Variants in TFB1M observed in about 807,000 individuals in gnomAD.
TFB1M encodes the protein dimethyladenosine transferase 1, mitochondrial.
Under a neutral mutation model 31.1 loss-of-function variants are expected in TFB1M, and 27 were observed. The observed-to-expected ratio is 0.87, with a 90% CI of 0.64 to 1.20. TFB1M has a LOEUF of 1.20. Among genes scored for constraint, TFB1M ranks in the 50% most tolerant of loss-of-function variants. The pLI, the probability that TFB1M is intolerant of heterozygous loss-of-function variation, is 0.00. For missense variants in TFB1M, 394 were observed against 418.7 expected (o/e 0.94, Z 0.51); for synonymous variants, 166 against 151.8 (o/e 1.09, Z -0.69).
downstream of TFB1M, chr6:155,254,242 T>A (rs1452052193): frequency 2.9e-6 from 3 of 1,024,922 alleles, no homozygotes; most frequent in African/African-American, 4.9e-5. Flanking sequence ...TATCAAAATC[T>A]TAAGAGTGAT....
In TFB1M at chr6:155,306,598, T is replaced by C. The variant is rs567904975; in HGVS notation, c.285+4590A>G. Among the ~76,000 whole-genome samples, 7 of 152,218 alleles carry C rather than the reference T, an allele frequency of 4.6e-5. No individual in the cohort carries two copies. The South Asian group carries it at 1.0e-3, about 23-fold the overall frequency. On this transcript the variant is annotated intron_variant, in intron 2 of 6. Transcript: ENST00000367166. ...ACATGGATGAACTGCAAAATAATTATGCTAAGTAAAAGATACCAGACCAAA... is the reference window on the plus strand; with the variant it reads ...ACATGGATGAACTGCAAAATAATTACGCTAAGTAAAAGATACCAGACCAAA...
chr6:155,252,043 T>A (rs751752451), downstream of TFB1M: 1 of 1,494,386 alleles, frequency 6.7e-7, no homozygotes, highest in Non-Finnish European at 9.2e-7. Context: ...TACCTTTTCA[T>A]AGCTGTATCT....
chr6:155,312,392 C>G (rs1199880253), intron 1 of TFB1M, among the ~76,000 whole-genome samples: 2 of 152,030 alleles, frequency 1.3e-5, no homozygotes, highest in Non-Finnish European at 2.9e-5. Flanking sequence ...TTTCATTTCT[C>G]TTAACTTTTC....
intron 2 of TFB1M, chr6:155,303,383 T>C (rs1248265569): frequency 1.3e-5 from 2 of 152,208 alleles, no homozygotes; most frequent in East Asian, 3.8e-4. Context: ...TGCGTTTATA[T>C]TTGTCTTTTA....
At chr6:155,276,091 T>C in intron 5 of TFB1M, 1 of 1,614,176 alleles carries the variant, frequency 6.2e-7, no homozygotes, top group Non-Finnish European at 8.5e-7. Flanking sequence ...GAGGAGTCTG[T>C]TTCATGTCTG....
the TFB1M span, among the ~76,000 whole-genome samples, chr6:155,242,459 G>A: frequency 1.1e-4 from 16 of 152,198 alleles, no homozygotes; most frequent in East Asian, 7.7e-4. Flanking sequence ...GCGGTCTGGC[G>A]TGGAATATGG....
chr6:155,274,564 G>T (rs9397799), intron 5 of TFB1M, among the ~76,000 whole-genome samples: 19,531 of 152,302 alleles, frequency 0.13, 1,543 homozygotes, highest in Non-Finnish European at 0.19. Flanking sequence ...GCCAGGAAAT[G>T]ATTCTGGTCC....
the TFB1M span, among the ~76,000 whole-genome samples, chr6:155,231,739 C>T: frequency 2.6e-5 from 4 of 152,208 alleles, no homozygotes; most frequent in African/African-American, 9.6e-5. Flanking sequence ...GCCCCTTGTT[C>T]CCACTGTGCA....
At chr6:155,281,721 C>CAA (rs1217317032) in intron 5 of TFB1M, among the ~76,000 whole-genome samples, 20,382 of 63,094 alleles carry the variant, frequency 0.32, 4,010 homozygotes, top group East Asian at 0.8. Flanking sequence ...GACTCTGTCT[C>CAA]AAAAAAAAAA....
intron 5 of TFB1M, among the ~76,000 whole-genome samples, chr6:155,284,438 T>C (rs1712364926): frequency 6.6e-6 from 1 of 152,184 alleles, no homozygotes; most frequent in African/African-American, 2.4e-5. Context: ...AGACTCTGTA[T>C]CGGATTAGGC....
chr6:155,305,599 A>ATATAT (rs1168481176), intron 2 of TFB1M, among the ~76,000 whole-genome samples: 2 of 14,776 alleles, frequency 1.4e-4, no homozygotes, highest in Non-Finnish European at 2.2e-4. Flanking sequence ...ATATTTATAT[A>ATATAT]TAAATATATA....
intron 3 of TFB1M, 135 bp downstream of exon 3, chr6:155,298,342 C>T: frequency 1.6e-6 from 1 of 609,434 alleles, no homozygotes. Context: ...AATTATAATA[C>T]ACATTATTTA....
chr6:155,272,249 C>T (rs1027217920), intron 5 of TFB1M, among the ~76,000 whole-genome samples: 5 of 152,058 alleles, frequency 3.3e-5, no homozygotes, highest in African/African-American at 7.3e-5. Context: ...ATAGGTCTTT[C>T]GGTATTATTT....
intron 2 of TFB1M, among the ~76,000 whole-genome samples, chr6:155,300,137 T>C (rs939275636): frequency 6.6e-6 from 1 of 152,172 alleles, no homozygotes; most frequent in African/African-American, 2.4e-5. Flanking sequence ...ATTTGTAGGG[T>C]CTAGAAACTT....
the TFB1M span, among the ~76,000 whole-genome samples, chr6:155,238,428 C>T: frequency 7.8e-4 from 119 of 152,338 alleles, no homozygotes; most frequent in African/African-American, 2.4e-3. Context: ...GAAGTTGCCT[C>T]CACGTTTTCA....
intron 4 of TFB1M, among the ~76,000 whole-genome samples, chr6:155,286,398 G>A (rs946690120): frequency 3.3e-5 from 5 of 151,276 alleles, no homozygotes; most frequent in Non-Finnish European, 5.9e-5. Context: ...ATATATGTAT[G>A]TATATACATC....
chr6:155,240,733 G>T, the TFB1M span: 7 of 1,595,872 alleles, frequency 4.4e-6, no homozygotes, highest in Middle Eastern at 3.3e-4. Flanking sequence ...TGGCATTTAT[G>T]CATTCGTGCC....
At chr6:155,256,024 G>GGGT (rs61168889), downstream of TFB1M, 9 of 196,018 alleles carry the variant, frequency 4.6e-5, no homozygotes, top group Non-Finnish European at 4.0e-5. Flanking sequence ...AAAAAAGGGG[G>GGGT]GGGGAGGGGC....
chr6:155,240,699 C>G, the TFB1M span: 1 of 1,611,648 alleles, frequency 6.2e-7, no homozygotes, highest in Non-Finnish European at 8.5e-7. Context: ...ACAGAGAAGT[C>G]CTACGTGAAG....
Sources: gnomAD v4.1 joint callset for allele counts (sites outside exome capture counted in the v4.1 genomes callset) on GRCh38, gnomAD v4.1.1 for gene constraint, MANE v1.5 for transcripts, NCBI Gene and HGNC (gene_info 2026-07-23, HGNC 2026-07-21) for gene names.